Variants in ATXN10 observed in about 807,000 individuals in gnomAD.
The protein encoded by ATXN10 is ataxin-10.
A neutral mutation model predicts 52.9 loss-of-function variants in ATXN10; 28 were observed. The ratio of observed to expected loss-of-function variants is 0.53; its 90% CI spans 0.39 to 0.73. ATXN10 has a LOEUF of 0.73. Among genes scored for constraint, ATXN10 ranks in the 30% least tolerant of loss-of-function variants. The probability of loss-of-function intolerance (pLI) is 0.00; values close to 1 mark genes in which losing one functional copy is unlikely to be tolerated. For synonymous variants in ATXN10, 226 were observed against 221.5 expected (o/e 1.02, Z -0.18); for missense variants, 565 against 577.0 (o/e 0.98, Z 0.21).
chr22:45,681,173 TCTC>T lies in ATXN10; in HGVS notation c.117-8536_117-8534del, dbSNP rs1370897798. Among the ~76,000 whole-genome samples the T allele has an allele frequency of 1.3e-5, 2 of 152,302 alleles. No homozygotes were observed. Among genetic ancestry groups the T allele is most frequent in the East Asian group, 3.9e-4 (2 of 5,188 alleles). ...CTGGCTCACTTTTCACTCTATTTCT[TCTC>T]CTGTCTTAAATCTTCGTTATTTCAT... On this transcript the variant is annotated intron_variant, in intron 1 of 11. Transcript: ENST00000252934. This position sits in a 1 kb window ranked among gnomAD's most constrained non-coding sequence, Gnocchi z 4.2.
intron 10 of ATXN10, among the ~76,000 whole-genome samples, chr22:45,836,704 T>G (rs1197758725): frequency 1.3e-5 from 2 of 152,242 alleles, no homozygotes; most frequent in Non-Finnish European, 2.9e-5. Flanking sequence ...TGACAGAAAT[T>G]GGCATATTTT....
At chr22:45,707,116 TTTG>T (rs1170330090) in intron 5 of ATXN10, among the ~76,000 whole-genome samples, 2 of 152,184 alleles carry the variant, frequency 1.3e-5, no homozygotes, top group African/African-American at 4.8e-5. Context: ...TATCACAAAT[TTTG>T]TTGTTTATGT....
Position 45,718,644 on chromosome 22 carries a change from A to T in ATXN10, c.728+151A>T. On this transcript the variant is annotated intron_variant, in intron 6 of 11. Coordinates refer to ENST00000252934, the MANE Select transcript of ATXN10 (RefSeq NM_013236.4). The surrounding 1 kb of genome is among the most constrained non-coding windows in gnomAD (Gnocchi z 4.4). Reference sequence around the variant, plus strand: ...GTAATGGTTTTAAATTGGTTGGTTAACATTACAGCTTAGCCACAGTAGGCA... The same window carrying T: ...GTAATGGTTTTAAATTGGTTGGTTATCATTACAGCTTAGCCACAGTAGGCA... 1.3e-6 allele frequency: 1 copy of T among 788,668 alleles called. No individual in the cohort carries two copies. The highest frequency in any genetic ancestry group is 2.2e-6 in the Non-Finnish European group (1 of 456,174). 48.9% of individuals were successfully genotyped at this position (788,668 alleles called of 1,614,324 possible).
At chr22:45,706,421 A>T (rs1371682338) in intron 5 of ATXN10, among the ~76,000 whole-genome samples, 1 of 151,878 alleles carries the variant, frequency 6.6e-6, no homozygotes, top group Non-Finnish European at 1.5e-5. Flanking sequence ...AATCTTTATT[A>T]TATTCTTTCT....
chr22:45,793,470 C>T (rs1333450175), intron 9 of ATXN10: 1 of 852,164 alleles, frequency 1.2e-6, no homozygotes, highest in East Asian at 3.5e-5. Flanking sequence ...AGGTCTTATT[C>T]CATTTAATAA....
chr22:45,710,484 C>G (rs978032031), intron 5 of ATXN10, among the ~76,000 whole-genome samples: 1 of 152,188 alleles, frequency 6.6e-6, no homozygotes, highest in African/African-American at 2.4e-5. Context: ...TTTAATAGCA[C>G]TTACCACTAT....
intron 5 of ATXN10, among the ~76,000 whole-genome samples, chr22:45,710,703 TTATC>T (rs1276661104): frequency 6.6e-6 from 1 of 152,186 alleles, no homozygotes; most frequent in Non-Finnish European, 1.5e-5. Flanking sequence ...CCAAGCTTGT[TTATC>T]TATTGTCTAC....
chr22:45,731,833 G>A (rs1307033944), intron 7 of ATXN10, among the ~76,000 whole-genome samples: 8 of 152,058 alleles, frequency 5.3e-5, no homozygotes, highest in Admixed American at 1.3e-4. Flanking sequence ...TAATCATTTC[G>A]TTAACTTTAG....
chr22:45,822,970 A>T (rs1454083992), intron 10 of ATXN10: 12 of 191,466 alleles, frequency 6.3e-5, no homozygotes, highest in Non-Finnish European at 1.1e-4. Flanking sequence ...CAGGATAAAA[A>T]TTATTTGTTC....
At chr22:45,724,886 C>T (rs1254974814) in intron 6 of ATXN10, among the ~76,000 whole-genome samples, 1 of 152,080 alleles carries the variant, frequency 6.6e-6, no homozygotes, top group Non-Finnish European at 1.5e-5. Flanking sequence ...ATCCAGTTTT[C>T]CCAGAACCAT....
chr22:45,779,616 T>C (rs979779048), intron 9 of ATXN10, among the ~76,000 whole-genome samples: 1 of 152,212 alleles, frequency 6.6e-6, no homozygotes, highest in African/African-American at 2.4e-5. Context: ...GTTTATGTAG[T>C]ATCCTTTTTC....
chr22:45,719,257 T>G (rs1009901969), intron 6 of ATXN10, among the ~76,000 whole-genome samples: 6 of 152,174 alleles, frequency 3.9e-5, no homozygotes, highest in African/African-American at 1.4e-4. Flanking sequence ...TCTCTTAAAG[T>G]TGTTAATCTT....
At chr22:45,746,756 A>ACGCTCCTCACTATACTCTTCTG (rs1925744216) in intron 9 of ATXN10, among the ~76,000 whole-genome samples, 1 of 152,092 alleles carries the variant, frequency 6.6e-6, no homozygotes, top group African/African-American at 2.4e-5. Context: ...TTTCTCTTCT[A>ACGCTCCTCACTATACTCTTCTG]CGCTCCTCAC....
At chr22:45,815,465 G>A (rs1420306887) in intron 10 of ATXN10, among the ~76,000 whole-genome samples, 1 of 152,198 alleles carries the variant, frequency 6.6e-6, no homozygotes, top group Non-Finnish European at 1.5e-5. Flanking sequence ...TGCTGCACTC[G>A]TATTAAAATT....
intron 5 of ATXN10, among the ~76,000 whole-genome samples, chr22:45,707,860 T>C (rs943902533): frequency 6.6e-6 from 1 of 152,050 alleles, no homozygotes; most frequent in African/African-American, 2.4e-5. Flanking sequence ...TCTGACGAAA[T>C]TGTTGTTTTT....
At chr22:45,741,909 A>G (rs1406051582) in intron 9 of ATXN10, among the ~76,000 whole-genome samples, 1 of 152,178 alleles carries the variant, frequency 6.6e-6, no homozygotes, top group African/African-American at 2.4e-5. Context: ...AAAGTCAGTT[A>G]CAAAATCTTC....
chr22:45,772,524 A>G lies in ATXN10; in HGVS notation c.1173+31986A>G, dbSNP rs922634832. Among the ~76,000 whole-genome samples, 4 of 152,174 alleles carry G rather than the reference A, an allele frequency of 2.6e-5. No individual in the cohort carries two copies. Among genetic ancestry groups the G allele is most frequent in the Non-Finnish European group, 5.9e-5 (4 of 68,016 alleles). On this transcript the variant is annotated intron_variant, in intron 9 of 11. Transcript: ENST00000252934. This position sits in a 1 kb window ranked among gnomAD's most constrained non-coding sequence, Gnocchi z 4.1. ...TGGGTAGTGTGATTCATCCAACTTT[A>G]TTTTAGTGATTTAATCTTCTTTACC...
chr22:45,789,313 T>A lies in ATXN10; in HGVS notation c.1174-17646T>A, dbSNP rs73444680. Among the ~76,000 whole-genome samples the A allele has an allele frequency of 0.011, 1,703 of 152,334 alleles. 38 individuals carry two copies. Among genetic ancestry groups the A allele is most frequent in the African/African-American group, 0.039 (1,624 of 41,568 alleles). Reference sequence around the variant, plus strand: ...GTTTCATTCAGTACGTATCTGTTGGTTATATTTGGACCCTGCAAGGGTGGA... The same window carrying A: ...GTTTCATTCAGTACGTATCTGTTGGATATATTTGGACCCTGCAAGGGTGGA... On this transcript the variant is annotated intron_variant, in intron 9 of 11. Coordinates refer to ENST00000252934, the MANE Select transcript of ATXN10 (RefSeq NM_013236.4). This position sits in a 1 kb window ranked among gnomAD's most constrained non-coding sequence, Gnocchi z 4.0.
Position 45,715,146 on chromosome 22 carries a change from C to T in ATXN10, c.648-3267C>T, listed in dbSNP as rs576903742. Reference sequence around the variant, plus strand: ...TTTTATGAACATATTGATCAAATCACATTTATTGAACATTTGTTAGGAGAT... The same window carrying T: ...TTTTATGAACATATTGATCAAATCATATTTATTGAACATTTGTTAGGAGAT... On this transcript the variant is annotated intron_variant, in intron 5 of 11. Coordinates refer to ENST00000252934, the MANE Select transcript of ATXN10 (RefSeq NM_013236.4). This position sits in a 1 kb window ranked among gnomAD's most constrained non-coding sequence, Gnocchi z 4.4. Among the ~76,000 whole-genome samples, 74 of 152,272 alleles carry T rather than the reference C, an allele frequency of 4.9e-4. 1 individual carries two copies. The highest frequency in any genetic ancestry group is 4.7e-3 in the Admixed American group (72 of 15,298).
Sources: gnomAD v4.1 joint callset for allele counts (sites outside exome capture counted in the v4.1 genomes callset) on GRCh38, gnomAD v4.1.1 for gene constraint, Gnocchi (gnomAD v3.1) non-coding constraint, MANE v1.5 for transcripts, NCBI Gene and HGNC (gene_info 2026-07-23, HGNC 2026-07-21) for gene names.